Variants in DSCAML1 observed in about 807,000 individuals in gnomAD.
DSCAML1 encodes cell adhesion molecule DSCAML1.
Under a neutral mutation model 200.5 loss-of-function variants are expected in DSCAML1, and 38 were observed. The ratio of observed to expected loss-of-function variants is 0.19; its 90% CI spans 0.15 to 0.25. The LOEUF is 0.25. Ranked by LOEUF, DSCAML1 falls within the 10% of genes least tolerant of loss-of-function variation. DSCAML1 has a pLI of 1.00. For missense variants in DSCAML1, 2,223 were observed against 2,858.8 expected (o/e 0.78, Z 5.07); for synonymous variants, 1,215 against 1,165.0 (o/e 1.04, Z -0.87).
chr11:117,802,725 G>A (rs1009514387), intron 1 of DSCAML1, among the ~76,000 whole-genome samples: 2 of 152,168 alleles, frequency 1.3e-5, no homozygotes, highest in Admixed American at 6.5e-5. Flanking sequence ...GGTCTTCACA[G>A]TTGTCATCTT....
intron 21 of DSCAML1, among the ~76,000 whole-genome samples, chr11:117,442,996 C>T (rs989624700): frequency 2.0e-5 from 3 of 152,218 alleles, no homozygotes; most frequent in Non-Finnish European, 4.4e-5. Context: ...TGGCTCTGAG[C>T]CCGCGGCAGG....
Position 117,437,770 on chromosome 11 carries a change from A to T in DSCAML1, c.4432+125T>A. 9.2e-7 allele frequency: 1 copy of T among 1,086,288 alleles called. No homozygotes were observed. The highest frequency in any genetic ancestry group is 1.3e-6 in the Non-Finnish European group (1 of 781,774). 67.3% of individuals were successfully genotyped at this position (1,086,288 alleles called of 1,614,324 possible). On this transcript the variant is annotated intron_variant, in intron 25 of 32. Coordinates refer to ENST00000651296, the MANE Select transcript of DSCAML1 (RefSeq NM_020693.4). The surrounding 1 kb of genome is among the most constrained non-coding windows in gnomAD (Gnocchi z 5.3). ...GAAGGAGGCTGAGGCTCCTCCCTTC[A>T]GTCTCCCTGCATCCCTGGACCCCTC...
intron 14 of DSCAML1, among the ~76,000 whole-genome samples, chr11:117,472,536 G>C (rs1049650511): frequency 6.6e-6 from 1 of 152,190 alleles, no homozygotes; most frequent in Non-Finnish European, 1.5e-5. Flanking sequence ...TGATGAACTT[G>C]AGTGTTATAT....
intron 3 of DSCAML1, among the ~76,000 whole-genome samples, chr11:117,713,716 T>A (rs550696989): frequency 6.6e-6 from 1 of 152,344 alleles, no homozygotes; most frequent in East Asian, 1.9e-4. Flanking sequence ...TTCAGATGTG[T>A]CCCCTTGTCG....
intron 11 of DSCAML1, among the ~76,000 whole-genome samples, chr11:117,492,305 C>T (rs955899814): frequency 6.6e-6 from 1 of 152,126 alleles, no homozygotes; most frequent in African/African-American, 2.4e-5. Flanking sequence ...AGAAAGTCCT[C>T]CTGAAAGTCT....
intron 8 of DSCAML1, among the ~76,000 whole-genome samples, chr11:117,511,046 A>G (rs1346516446): frequency 6.6e-6 from 1 of 152,174 alleles, no homozygotes; most frequent in East Asian, 1.9e-4. Flanking sequence ...TAAGCTTATC[A>G]TCATAGAAAC....
intron 19 of DSCAML1, among the ~76,000 whole-genome samples, chr11:117,455,913 C>T (rs996959501): frequency 6.6e-6 from 1 of 152,184 alleles, no homozygotes; most frequent in Non-Finnish European, 1.5e-5. Flanking sequence ...CAATTAGAAC[C>T]TAACTTTTGC....
chr11:117,775,863 T>C (rs1463401318), intron 3 of DSCAML1, among the ~76,000 whole-genome samples: 1 of 152,108 alleles, frequency 6.6e-6, no homozygotes. Context: ...ATCATCAACC[T>C]TGAGGAACAA....
intron 3 of DSCAML1, among the ~76,000 whole-genome samples, chr11:117,595,419 TGATGGA>T (rs2051345660): frequency 1.3e-5 from 2 of 152,274 alleles, no homozygotes; most frequent in South Asian, 4.1e-4. Flanking sequence ...TTTGGAAGGG[TGATGGA>T]GATCAGGTTG....
chr11:117,456,616 T>C (rs1476034794), intron 19 of DSCAML1, among the ~76,000 whole-genome samples: 1 of 152,050 alleles, frequency 6.6e-6, no homozygotes, highest in Non-Finnish European at 1.5e-5. Flanking sequence ...CTGGGTTCTT[T>C]GTGGCCTGGG....
chr11:117,446,434 A>T (rs1167156647), intron 20 of DSCAML1, among the ~76,000 whole-genome samples: 2 of 152,246 alleles, frequency 1.3e-5, no homozygotes, highest in Non-Finnish European at 2.9e-5. Flanking sequence ...AGATACTTGC[A>T]ACTTATATGA....
chr11:117,487,525 G>T (rs2049099605), intron 11 of DSCAML1, among the ~76,000 whole-genome samples: 1 of 152,132 alleles, frequency 6.6e-6, no homozygotes, highest in Non-Finnish European at 1.5e-5. Flanking sequence ...GGTTGCAGAG[G>T]GCAGTACTGA....
intron 1 of DSCAML1, among the ~76,000 whole-genome samples, chr11:117,781,028 G>A (rs755508758): frequency 9.2e-5 from 14 of 152,134 alleles, no homozygotes; most frequent in Admixed American, 2.0e-4. Context: ...CGGGTGCGGC[G>A]GCTCATGCCT....
intron 21 of DSCAML1, among the ~76,000 whole-genome samples, chr11:117,442,420 C>T (rs11216391): frequency 0.093 from 13,934 of 150,582 alleles, 854 homozygotes; most frequent in Non-Finnish European, 0.13. Flanking sequence ...TGTGTATGTG[C>T]GTAAATGTAT....
In DSCAML1 at chr11:117,591,787, G is replaced by A. The variant is rs116198612; in HGVS notation, c.512-59265C>T. Among the ~76,000 whole-genome samples, 1,167 of 152,192 alleles carry A rather than the reference G, an allele frequency of 7.7e-3. 19 individuals are homozygous for A. Among genetic ancestry groups the A allele is most frequent in the African/African-American group, 0.026 (1,075 of 41,536 alleles). On this transcript the variant is annotated intron_variant, in intron 3 of 32. Coordinates refer to ENST00000651296, the MANE Select transcript of DSCAML1 (RefSeq NM_020693.4). Reference sequence around the variant, plus strand: ...CTGCCCATTCTGGAACGAGGGAGGAGCACTTGCCAGGGATGCAGCTTCAGG... The same window carrying A: ...CTGCCCATTCTGGAACGAGGGAGGAACACTTGCCAGGGATGCAGCTTCAGG...
chr11:117,650,667 CTGTGTGTGTGTGTGTG>C (rs66966642), intron 3 of DSCAML1, among the ~76,000 whole-genome samples: 10 of 143,530 alleles, frequency 7.0e-5, no homozygotes, highest in East Asian at 4.2e-4. Flanking sequence ...GTGTGTCTAT[CTGTGTGTGTGTGTGTG>C]TGTGTGTGTG....
chr11:117,521,221 G>T lies in DSCAML1; in HGVS notation c.1122C>A (p.Thr374=), dbSNP rs763066629. ...CCCCGGAATGGCTCTTCTGGGCCGA[G>T]GTGATGAGCAGCGTCTCGTTGCTGA... ...RGLSNETLLI[T]SAQKSHSGAY... Residue 374 remains threonine (T), a synonymous_variant, in exon 6 of 33, where the codon ACC becomes ACA. Coordinates refer to ENST00000651296, the MANE Select transcript of DSCAML1 (RefSeq NM_020693.4). The T allele has an allele frequency of 1.9e-6, 3 of 1,614,194 alleles. No individual in the cohort carries two copies. In the Admixed American group the frequency reaches 5.0e-5, roughly 27 times the overall value.
intron 3 of DSCAML1, among the ~76,000 whole-genome samples, chr11:117,621,926 T>A (rs2051942313): frequency 6.6e-6 from 1 of 152,210 alleles, no homozygotes; most frequent in Non-Finnish European, 1.5e-5. Flanking sequence ...ACCATGAGGA[T>A]CAATGAAAGG....
intron 1 of DSCAML1, among the ~76,000 whole-genome samples, chr11:117,816,508 A>T (rs2055808359): frequency 1.3e-5 from 2 of 152,192 alleles, no homozygotes; most frequent in Admixed American, 1.3e-4. Flanking sequence ...TGCAGTTCAG[A>T]GCTCAGCTGC....
Sources: gnomAD v4.1 joint callset for allele counts (sites outside exome capture counted in the v4.1 genomes callset) on GRCh38, gnomAD v4.1.1 for gene constraint, Gnocchi (gnomAD v3.1) non-coding constraint, MANE v1.5 for transcripts, NCBI Gene and HGNC (gene_info 2026-07-23, HGNC 2026-07-21) for gene names.